The following KAZN variants were observed in gnomAD, a reference collection of about 807,000 sequenced individuals.
The protein encoded by KAZN is kazrin.
Under a neutral mutation model 87.4 loss-of-function variants are expected in KAZN, and 40 were observed. The ratio of observed to expected loss-of-function variants is 0.46; its 90% confidence interval spans 0.36 to 0.60. The LOEUF is 0.60. Ranked by LOEUF, KAZN falls within the 20% of genes least tolerant of loss-of-function variation. The pLI, the probability that KAZN is intolerant of heterozygous loss-of-function variation, is 0.00. For synonymous variants in KAZN, 466 were observed against 458.3 expected, an observed-to-expected ratio of 1.02 and a Z score of -0.22; for missense variants, 898 against 1,073.9, an observed-to-expected ratio of 0.84 and a Z score of 2.29.
At chr1:14,435,539 G>A (rs1282918239) in intron 2 of KAZN, among the ~76,000 whole-genome samples, 3 of 152,166 alleles carry the variant, frequency 2.0e-5, no homozygotes, top group Non-Finnish European at 4.4e-5. Flanking sequence ...CTTGATGGAC[G>A]CTGTATGGGC....
At chr1:13,958,214 A>G (rs1641616814) in intron 1 of KAZN, among the ~76,000 whole-genome samples, 1 of 152,206 alleles carries the variant, frequency 6.6e-6, no homozygotes, top group African/African-American at 2.4e-5. Context: ...GCACACGTAG[A>G]TATTCAATTG....
At chr1:13,947,835 C>A (rs951918510) in intron 1 of KAZN, among the ~76,000 whole-genome samples, 1 of 152,094 alleles carries the variant, frequency 6.6e-6, no homozygotes, top group Admixed American at 6.5e-5. Flanking sequence ...TATAAGGACA[C>A]CAGTCATGTT....
intron 1 of KAZN, among the ~76,000 whole-genome samples, chr1:14,169,596 G>A (rs150853429): frequency 3.9e-5 from 6 of 152,282 alleles, no homozygotes; most frequent in Non-Finnish European, 8.8e-5. Context: ...TACCTAGGGT[G>A]TCCATCCCCG....
intron 1 of KAZN, among the ~76,000 whole-genome samples, chr1:14,847,805 A>G (rs1440559536): frequency 6.6e-6 from 1 of 151,938 alleles, no homozygotes; most frequent in Non-Finnish European, 1.5e-5. Context: ...AAATTTTGAG[A>G]CCTCGTCTCT....
At chr1:14,162,497 C>T (rs1225333170) in intron 1 of KAZN, among the ~76,000 whole-genome samples, 1 of 151,724 alleles carries the variant, frequency 6.6e-6, no homozygotes, top group East Asian at 1.9e-4. Flanking sequence ...AAGGCCACAG[C>T]AAAAGATTTT....
intron 1 of KAZN, among the ~76,000 whole-genome samples, chr1:14,143,620 A>G (rs1273955495): frequency 6.6e-6 from 1 of 152,156 alleles, no homozygotes; most frequent in Non-Finnish European, 1.5e-5. Context: ...TTTTACTAAC[A>G]ATTGAGTCAC....
chr1:14,127,590 C>T (rs1313021593), intron 1 of KAZN, among the ~76,000 whole-genome samples: 5 of 152,128 alleles, frequency 3.3e-5, no homozygotes, highest in Admixed American at 1.3e-4. Flanking sequence ...AGTGCTCCGG[C>T]GTCCTCCAAC....
At chr1:15,075,842 T>A (rs1001561888) in intron 8 of KAZN, among the ~76,000 whole-genome samples, 5 of 152,208 alleles carry the variant, frequency 3.3e-5, no homozygotes, top group African/African-American at 9.6e-5. Context: ...ACAGAGGGGC[T>A]GAGTCTGTTG....
intron 3 of KAZN, among the ~76,000 whole-genome samples, chr1:15,043,226 C>CT (rs1216981539): frequency 2.6e-5 from 4 of 152,244 alleles, no homozygotes; most frequent in African/African-American, 7.2e-5. Context: ...ATTGGGGTCG[C>CT]TGGTGCCTCC....
chr1:14,614,969 C>CCG (rs1678112249), intron 1 of KAZN, among the ~76,000 whole-genome samples: 1 of 152,220 alleles, frequency 6.6e-6, no homozygotes, highest in Non-Finnish European at 1.5e-5. Context: ...AGGGATAATG[C>CCG]TGGTCCTGAC....
chr1:14,129,127 G>A (rs1400531847), intron 1 of KAZN, among the ~76,000 whole-genome samples: 1 of 152,170 alleles, frequency 6.6e-6, no homozygotes, highest in Non-Finnish European at 1.5e-5. Context: ...ACAGAGTCCA[G>A]CACATAGGGA....
At chr1:15,009,464 A>T (rs1461529445) in intron 2 of KAZN, among the ~76,000 whole-genome samples, 1 of 152,216 alleles carries the variant, frequency 6.6e-6, no homozygotes, top group Non-Finnish European at 1.5e-5. Context: ...ACCTTTGCAC[A>T]CATGGCACCC....
At chr1:14,791,600 C>T (rs1168812265) in intron 1 of KAZN, among the ~76,000 whole-genome samples, 1 of 152,194 alleles carries the variant, frequency 6.6e-6, no homozygotes, top group Non-Finnish European at 1.5e-5. Flanking sequence ...TCCACTTGCC[C>T]ACAAAGTACC....
At chr1:14,841,425 A>G (rs1230269780) in intron 1 of KAZN, among the ~76,000 whole-genome samples, 3 of 127,726 alleles carry the variant, frequency 2.3e-5, no homozygotes, top group African/African-American at 3.8e-5. Flanking sequence ...AAAAAAAAAA[A>G]AAAAAAAAAA....
chr1:14,226,581 A>G (rs555860842), intron 2 of KAZN, among the ~76,000 whole-genome samples: 1 of 152,286 alleles, frequency 6.6e-6, no homozygotes, highest in African/African-American at 2.4e-5. Flanking sequence ...AAGTCATTCT[A>G]CCATAAAGAC....
intron 2 of KAZN, among the ~76,000 whole-genome samples, chr1:14,397,170 G>C (rs778834036): frequency 6.6e-6 from 1 of 152,134 alleles, no homozygotes; most frequent in Non-Finnish European, 1.5e-5. Context: ...CCATACAGGT[G>C]ATGTATATTT....
chr1:14,467,295 C>A (rs1668211467), intron 2 of KAZN, among the ~76,000 whole-genome samples: 1 of 149,940 alleles, frequency 6.7e-6, no homozygotes, highest in African/African-American at 2.5e-5. Context: ...TTGCAATCCC[C>A]AGGGCAACCA....
At chr1:14,748,461 G>A (rs1644320471) in intron 1 of KAZN, among the ~76,000 whole-genome samples, 1 of 152,132 alleles carries the variant, frequency 6.6e-6, no homozygotes, top group Non-Finnish European at 1.5e-5. Flanking sequence ...GAGGAAGGGA[G>A]TTGTACACTT....
chr1:14,349,811 G>A (rs1658390487), intron 2 of KAZN, among the ~76,000 whole-genome samples: 1 of 152,162 alleles, frequency 6.6e-6, no homozygotes, highest in Non-Finnish European at 1.5e-5. Context: ...ATCTGGTAGA[G>A]TAGGCAGAGA....
Sources: gnomAD v4.1 joint callset for allele counts (sites outside exome capture counted in the v4.1 genomes callset) on GRCh38, gnomAD v4.1.1 for gene constraint, MANE v1.5 for transcripts, NCBI Gene and HGNC (gene_info 2026-07-23, HGNC 2026-07-21) for gene names.